BCL2L13: variants seen among roughly 807,000 people sequenced by gnomAD.
The protein encoded by BCL2L13 is BCL2 like 13.
Under a neutral mutation model 25.8 loss-of-function variants are expected in BCL2L13, and 13 were observed. That is an observed-to-expected ratio of 0.50 (90% CI 0.33 to 0.80). The LOEUF (loss-of-function observed/expected upper bound fraction) is 0.80. Ranked by LOEUF, BCL2L13 falls within the 30% of genes least tolerant of loss-of-function variation. The pLI, the probability that BCL2L13 is intolerant of heterozygous loss-of-function variation, is 0.02. For synonymous variants in BCL2L13, 244 were observed against 230.3 expected (o/e 1.06, Z -0.54); for missense variants, 504 against 574.9 (o/e 0.88, Z 1.26).
At chr22:17,642,560 T>A (rs759049033) in intron 1 of BCL2L13, among the ~76,000 whole-genome samples, 2 of 152,154 alleles carry the variant, frequency 1.3e-5, no homozygotes, top group African/African-American at 2.4e-5. Flanking sequence ...TATTCCATTG[T>A]GTGGACATAC....
Position 17,631,670 on chromosome 22 carries a change from GTATATATATATATATATA to G in BCL2L13, c.-650+2685_-650+2702del, listed in dbSNP as rs1181793721. Among the ~76,000 whole-genome samples the G allele has an allele frequency of 3.5e-3, 93 of 26,890 alleles. 4 individuals are homozygous for G. The Admixed American group carries it at 0.039, about 11-fold the overall frequency. 17.6% of individuals were successfully genotyped at this position (26,890 alleles called of 152,430 possible). Reference sequence around the variant, plus strand: ...CGTGTGTGTATGTATGTGTGTGTGTGTATATATATATATATATATATATATATATATATATATTTTTTT... The same window carrying G: ...CGTGTGTGTATGTATGTGTGTGTGTGTATATATATATATATATATTTTTTT... On this transcript the variant is annotated intron_variant, in intron 1 of 6. Transcript: ENST00000399782.
At chr22:17,689,712 G>A (rs981161146) in intron 4 of BCL2L13, among the ~76,000 whole-genome samples, 3 of 151,640 alleles carry the variant, frequency 2.0e-5, no homozygotes, top group African/African-American at 2.4e-5. Flanking sequence ...GCATGGTGGC[G>A]CATGCCTCTA....
rs1160188295 is a variant in BCL2L13, at chr22:17,728,683, T to G, written c.*1149T>G. ...ATCATAATTCTTATGAAATAGAGAGTGTCCTAAATATCACTGAAATAAAAA... is the reference window on the plus strand; with the variant it reads ...ATCATAATTCTTATGAAATAGAGAGGGTCCTAAATATCACTGAAATAAAAA... On this transcript the variant is annotated 3_prime_UTR_variant, in exon 7 of 7. Transcript: ENST00000317582. The G allele has an allele frequency of 6.6e-6, 1 of 152,156 alleles. No homozygotes were observed. The highest frequency in any genetic ancestry group is 1.5e-5 in the Non-Finnish European group (1 of 68,030). 9.4% of individuals were successfully genotyped at this position (152,156 alleles called of 1,614,324 possible).
intron 2 of BCL2L13, among the ~76,000 whole-genome samples, chr22:17,662,250 G>T (rs1260387801): frequency 6.6e-6 from 1 of 152,156 alleles, no homozygotes; most frequent in Non-Finnish European, 1.5e-5. Flanking sequence ...AGGCCAAGGC[G>T]GGCGGATCAC....
chr22:17,718,369 A>T (rs1354572651), intron 6 of BCL2L13, among the ~76,000 whole-genome samples: 2 of 152,206 alleles, frequency 1.3e-5, no homozygotes, highest in Non-Finnish European at 1.5e-5. Context: ...GACAGAAGTG[A>T]TGTAGAGTTA....
chr22:17,714,254 C>G (rs1339793831), intron 6 of BCL2L13, among the ~76,000 whole-genome samples: 1 of 151,946 alleles, frequency 6.6e-6, no homozygotes, highest in Middle Eastern at 3.4e-3. Context: ...GATTGCGCCA[C>G]TGCACTCCAG....
chr22:17,687,184 C>T (rs1163426712), intron 3 of BCL2L13, among the ~76,000 whole-genome samples: 3 of 152,092 alleles, frequency 2.0e-5, no homozygotes, highest in African/African-American at 4.8e-5. Context: ...TGGGTGCAAG[C>T]GGCCTGCTTT....
At position 17,727,275 on chromosome 22, in the gene BCL2L13, C is replaced by A. The variant is rs147289721; in HGVS notation, c.1199C>A (p.Pro400His). 6.8e-6 allele frequency: 11 copies of A among 1,614,082 alleles called. No individual in the cohort carries two copies. The African/African-American group carries it at 1.5e-4, about 22-fold the overall frequency. Residue 400 changes from proline (P) to histidine (H), a missense_variant, in exon 7 of 7, where the codon CCC (proline) becomes CAC (histidine). Pro to His is a moderately conservative substitution (Grantham distance 77). Coordinates refer to ENST00000317582, the MANE Select transcript of BCL2L13 (RefSeq NM_015367.4). The part of the protein sequence containing the change: ...TEPTEVEEVV[P>H]ALEPTETLLS... Reference sequence around the variant, plus strand: ...CCTACTGAAGTGGAGGAGGTGGTCCCCGCACTGGAACCCACAGAAACGCTG... The same window carrying A: ...CCTACTGAAGTGGAGGAGGTGGTCCACGCACTGGAACCCACAGAAACGCTG...
intron 2 of BCL2L13, among the ~76,000 whole-genome samples, chr22:17,656,861 C>A (rs1287259326): frequency 6.6e-6 from 1 of 151,898 alleles, no homozygotes; most frequent in East Asian, 1.9e-4. Flanking sequence ...CTCTGTTGCC[C>A]AGGCTGGAGT....
chr22:17,661,991 C>CAA (rs757785893), intron 2 of BCL2L13, among the ~76,000 whole-genome samples: 2,624 of 105,782 alleles, frequency 0.025, 76 homozygotes, highest in African/African-American at 0.083. Flanking sequence ...AACTCCATCT[C>CAA]AAAAAAAAAA....
At position 17,684,940 on chromosome 22, in the gene BCL2L13, G is replaced by A. The variant is rs190030946; in HGVS notation, c.229+1619G>A. On this transcript the variant is annotated intron_variant, in intron 3 of 6. Coordinates refer to ENST00000317582, the MANE Select transcript of BCL2L13 (RefSeq NM_015367.4). ...GTAGAGACGGGGTTTCAGCGTGTTA[G>A]CCAGGATGGTCTCGTTGATCTCCTG... Among the ~76,000 whole-genome samples, 27 of 152,200 alleles carry A rather than the reference G, an allele frequency of 1.8e-4. No individual in the cohort carries two copies. In the East Asian group the frequency reaches 2.9e-3, roughly 16 times the overall value.
At chr22:17,633,245 G>T (rs1601426974) in intron 1 of BCL2L13, among the ~76,000 whole-genome samples, 1 of 152,186 alleles carries the variant, frequency 6.6e-6, no homozygotes, top group African/African-American at 2.4e-5. Flanking sequence ...TCTCCCCCAT[G>T]TTAGTTTCTC....
intron 2 of BCL2L13, among the ~76,000 whole-genome samples, chr22:17,672,884 T>G (rs1430592076): frequency 6.6e-6 from 1 of 152,102 alleles, no homozygotes; most frequent in Admixed American, 6.6e-5. Context: ...TGGATGTGTG[T>G]GGGTGTATGT....
intron 1 of BCL2L13, among the ~76,000 whole-genome samples, chr22:17,639,756 T>C (rs2058202520): frequency 1.3e-5 from 2 of 152,160 alleles, no homozygotes; most frequent in South Asian, 4.1e-4. Context: ...GGCGAAATTA[T>C]AAGATTTCCT....
At chr22:17,717,962 C>T (rs546232523) in intron 6 of BCL2L13, among the ~76,000 whole-genome samples, 1 of 152,222 alleles carries the variant, frequency 6.6e-6, no homozygotes, top group East Asian at 1.9e-4. Flanking sequence ...TGGTGCATGC[C>T]TGTGGTCCTA....
At chr22:17,642,189 G>A (rs150733046) in intron 1 of BCL2L13, among the ~76,000 whole-genome samples, 217 of 143,508 alleles carry the variant, frequency 1.5e-3, no homozygotes, top group African/African-American at 5.4e-3. Context: ...GAGTGCAGTG[G>A]CATGATCCCA....
At chr22:17,694,969 C>A (rs2060219291) in intron 4 of BCL2L13, among the ~76,000 whole-genome samples, 1 of 152,180 alleles carries the variant, frequency 6.6e-6, no homozygotes, top group African/African-American at 2.4e-5. Flanking sequence ...TTGCTGCAAT[C>A]CCTCAATCTC....
intron 1 of BCL2L13, among the ~76,000 whole-genome samples, chr22:17,639,852 C>T (rs1568913715): frequency 7.0e-6 from 1 of 143,676 alleles, no homozygotes; most frequent in East Asian, 2.0e-4. Context: ...CAGATACCTT[C>T]TTTCTTTTTT....
At chr22:17,726,085 C>T (rs775198843) in intron 6 of BCL2L13, among the ~76,000 whole-genome samples, 7 of 152,202 alleles carry the variant, frequency 4.6e-5, no homozygotes, top group South Asian at 4.1e-4. Flanking sequence ...CACAGTGGCT[C>T]ACGCCTGTAA....
Sources: allele counts gnomAD v4.1 joint callset (sites outside exome capture counted in the v4.1 genomes callset), GRCh38; gene constraint gnomAD v4.1.1; transcripts MANE v1.5; gene names NCBI Gene and HGNC (gene_info 2026-07-23, HGNC 2026-07-21).